HOXD1: variants seen among roughly 807,000 people sequenced by gnomAD.
The protein encoded by HOXD1 is homeobox D1.
A neutral mutation model predicts 19.9 loss-of-function variants in HOXD1; 17 were observed. The observed-to-expected ratio is 0.85, with a 90% CI of 0.58 to 1.28. The LOEUF is 1.28. Ranked by LOEUF, HOXD1 falls within the 50% of genes most tolerant of loss-of-function variation. The pLI is 0.00. For synonymous variants in HOXD1, 239 were observed against 216.0 expected (o/e 1.11, Z -0.93); for missense variants, 500 against 460.1 (o/e 1.09, Z -0.79).
Position 176,190,304 on chromosome 2 carries a change from G to T in HOXD1, c.*162G>T. 1.7e-6 allele frequency: 1 copy of T among 605,284 alleles called. No homozygotes were observed. Among genetic ancestry groups the T allele is most frequent in the Non-Finnish European group, 3.0e-6 (1 of 337,806 alleles). 37.5% of individuals were successfully genotyped at this position (605,284 alleles called of 1,614,324 possible). On this transcript the variant is annotated 3_prime_UTR_variant, in exon 2 of 2. Coordinates refer to ENST00000331462, the MANE Select transcript of HOXD1 (RefSeq NM_024501.3). ...TACTTTAGTTGGCTTCCGAGTTCCA[G>T]ACTATATGTCCAGATATTAATTGAC...
In HOXD1 at chr2:176,190,062, C is replaced by G. The variant is rs200230800; in HGVS notation, c.907C>G (p.Gln303Glu). 1 of 1,613,988 alleles carries G rather than the reference C, an allele frequency of 6.2e-7. No homozygotes were observed. Among genetic ancestry groups the G allele is most frequent in the Non-Finnish European group, 8.5e-7 (1 of 1,179,902 alleles). Residue 303 changes from glutamine to glutamate, a missense_variant, in exon 2 of 2, where the codon CAA (glutamine) becomes GAA (glutamate). Physicochemically the swap from Gln to Glu is conservative, Grantham distance 29. Coordinates refer to ENST00000331462, the MANE Select transcript of HOXD1 (RefSeq NM_024501.3). ...CACGGCCATTCCTGTGGCTCCCCTCCAACTTCCCCTCTCTGGAACAACCCC... is the reference window on the plus strand; with the variant it reads ...CACGGCCATTCCTGTGGCTCCCCTCGAACTTCCCCTCTCTGGAACAACCCC... ...LATAIPVAPL[Q>E]LPLSGTTPTK...
In HOXD1 at chr2:176,189,340, C is replaced by G; in HGVS notation, c.539C>G (p.Thr180Ser). 6.2e-7 allele frequency: 1 copy of G among 1,612,872 alleles called. No homozygotes were observed. The highest frequency in any genetic ancestry group is 8.5e-7 in the Non-Finnish European group (1 of 1,179,930). ...GACGGCCACCCTGGTGCTTTCCAGA[C>G]CGCATCCCCGGCCCCAGGCACCTAC... is the stretch of plus-strand genomic sequence containing the variant. The part of the protein sequence containing the change: ...SADGHPGAFQ[T>S]ASPAPGTYPK... The change falls in exon 1 of 2, where the codon ACC becomes AGC. Residue 180 changes from threonine (T) to serine (S), a missense_variant. By Grantham distance (58) the Thr-to-Ser change is moderately conservative. Coordinates refer to ENST00000331462, the MANE Select transcript of HOXD1 (RefSeq NM_024501.3).
At position 176,189,141 on chromosome 2, in the gene HOXD1, G is replaced by A. The variant is rs763752757; in HGVS notation, c.340G>A (p.Ala114Thr). The A allele has an allele frequency of 1.7e-5, 27 of 1,582,772 alleles. No homozygotes were observed. Among genetic ancestry groups the A allele is most frequent in the Non-Finnish European group, 2.3e-5 (27 of 1,169,106 alleles). The change falls in exon 1 of 2, where the codon GCG becomes ACG. Residue 114 changes from alanine (A) to threonine (T), a missense_variant. Transcript: ENST00000331462. ...ADYGFLGSGP[A>T]YDFPGVLGRA... ...CTACGGCTTCCTGGGGTCCGGGCCGGCGTACGACTTCCCGGGCGTGCTGGG... is the reference window on the plus strand; with the variant it reads ...CTACGGCTTCCTGGGGTCCGGGCCGACGTACGACTTCCCGGGCGTGCTGGG...
chr2:176,189,662 T>G, intron 1 of HOXD1, 146 bp from the exon 2 acceptor site: 1 of 1,584,256 alleles, frequency 6.3e-7, no homozygotes, highest in Non-Finnish European at 8.6e-7. Context: ...AGGAAGGAGC[T>G]CTCCGTGGAA....
rs1170989030 is a variant in HOXD1 at position 176,189,838 on chromosome 2, C to A, written c.683C>A (p.Pro228His). Residue 228 changes from proline to histidine, a missense_variant, in exon 2 of 2, where the codon CCC becomes CAC. Physicochemically the swap from Pro to His is moderately conservative, Grantham distance 77. Coordinates refer to ENST00000331462, the MANE Select transcript of HOXD1 (RefSeq NM_024501.3). ...GKLAEYGAAS[P>H]SSAIRTNFST... ...CTCGCCGAGTATGGGGCCGCTAGCC[C>A]CTCCAGCGCGATCCGCACGAATTTC... is the stretch of plus-strand genomic sequence containing the variant. 1 of 1,614,154 alleles carries A rather than the reference C, an allele frequency of 6.2e-7. No homozygotes were observed. The highest frequency in any genetic ancestry group is 1.7e-5 in the Admixed American group (1 of 60,028).
Position 176,190,489 on chromosome 2 carries a change from G to T in HOXD1, c.*347G>T. 3.6e-6 allele frequency: 1 copy of T among 278,692 alleles called. No homozygotes were observed. 17.3% of individuals were successfully genotyped at this position (278,692 alleles called of 1,614,324 possible). ...AGTTGCTGAGTTCTGTCAGCACTCT[G>T]ATGTGCTCAGAAGAGCACCTGCCCA... is the stretch of plus-strand genomic sequence containing the variant. On this transcript the variant is annotated 3_prime_UTR_variant, in exon 2 of 2. Transcript: ENST00000331462.
In HOXD1 at chr2:176,189,277, A is replaced by T. The variant is rs746137730; in HGVS notation, c.476A>T (p.Glu159Val). 1.1e-5 allele frequency: 17 copies of T among 1,605,430 alleles called. No homozygotes were observed. In the East Asian group the frequency reaches 3.6e-4, roughly 34 times the overall value. ...SGQVDYAAFG[E>V]PGPFPACLKA... ...CAGGTGGATTACGCGGCCTTCGGCG[A>T]ACCCGGCCCTTTTCCGGCTTGTCTC... Residue 159 changes from glutamate to valine, a missense_variant, in exon 1 of 2, where the codon GAA (glutamate) becomes GTA (valine). Glu to Val is a moderately radical substitution (Grantham distance 121). Coordinates refer to ENST00000331462, the MANE Select transcript of HOXD1 (RefSeq NM_024501.3).
At position 176,189,235 on chromosome 2, in the gene HOXD1, C is replaced by A; in HGVS notation, c.434C>A (p.Ser145Tyr). ...ATSAVFSGGG[S>Y]FLLSGQVDYA... ...TCGGCCGTCTTCTCGGGCGGCGGCT[C>A]TTTCCTCCTCAGCGGCCAGGTGGAT... The change falls in exon 1 of 2, where the codon TCT becomes TAT. Residue 145 changes from serine (S) to tyrosine (Y), a missense_variant. Transcript: ENST00000331462. The A allele has an allele frequency of 6.3e-7, 1 of 1,594,516 alleles. No individual in the cohort carries two copies. The highest frequency in any genetic ancestry group is 8.5e-7 in the Non-Finnish European group (1 of 1,171,560).
In HOXD1 at chr2:176,189,545, C is replaced by G. The variant is rs745479949; in HGVS notation, c.652+92C>G. 2.5e-6 allele frequency: 4 copies of G among 1,603,064 alleles called. No individual in the cohort carries two copies. In the South Asian group the frequency reaches 4.5e-5, roughly 18 times the overall value. ...CTGGGAGCGTGGTGTCGCTGCCTTTCCAGACAGCGGTTTGGGTTTTGTGGA... is the reference window on the plus strand; with the variant it reads ...CTGGGAGCGTGGTGTCGCTGCCTTTGCAGACAGCGGTTTGGGTTTTGTGGA... On this transcript the variant is annotated intron_variant, in intron 1 of 1. Coordinates refer to ENST00000331462, the MANE Select transcript of HOXD1 (RefSeq NM_024501.3).
intron 1 of HOXD1, 155 bp downstream of exon 1, chr2:176,189,608 T>G: frequency 6.4e-7 from 1 of 1,564,358 alleles, no homozygotes; most frequent in Non-Finnish European, 8.7e-7. Flanking sequence ...GGAGTCTGCC[T>G]CGAGTACAGA....
At position 176,188,867 on chromosome 2, in the gene HOXD1, C is replaced by T. The variant is rs1559153914; in HGVS notation, c.66C>T (p.Ser22=). 2.5e-6 allele frequency: 4 copies of T among 1,602,736 alleles called. No individual in the cohort carries two copies. The highest frequency in any genetic ancestry group is 3.4e-6 in the Non-Finnish European group (4 of 1,177,054). The change falls in exon 1 of 2, where the codon AGC becomes AGT. Residue 22 remains serine, a synonymous_variant. Coordinates refer to ENST00000331462, the MANE Select transcript of HOXD1 (RefSeq NM_024501.3). The stretch of plus-strand genomic sequence containing the variant: ...GCGGGGTCGGCGGCGACGTGCTCAG[C>T]TTGGCACCCAAGTTCTGCCGCTCCG... ...SSGGVGGDVL[S]LAPKFCRSDA...
At position 176,189,318 on chromosome 2, in the gene HOXD1, G is replaced by T. The variant is rs964753963; in HGVS notation, c.517G>T (p.Gly173Cys). ...GGCTTGTCTCAAAGCGTCAGCCGAC[G>T]GCCACCCTGGTGCTTTCCAGACCGC... ...FPACLKASAD[G>C]HPGAFQTASP... Residue 173 changes from glycine (G) to cysteine (C), a missense_variant, in exon 1 of 2, where the codon GGC (glycine) becomes TGC (cysteine). Gly to Cys is a radical substitution (Grantham distance 159). Coordinates refer to ENST00000331462, the MANE Select transcript of HOXD1 (RefSeq NM_024501.3). The T allele has an allele frequency of 8.1e-6, 13 of 1,611,870 alleles. No homozygotes were observed. Among genetic ancestry groups the T allele is most frequent in the African/African-American group, 1.3e-5 (1 of 74,982 alleles).
rs1412453358 is a variant in HOXD1, at chr2:176,188,898, C to T, written c.97C>T (p.Arg33Trp). The T allele has an allele frequency of 1.3e-6, 2 of 1,591,464 alleles. No individual in the cohort carries two copies. The highest frequency in any genetic ancestry group is 4.6e-5 in the East Asian group (2 of 43,654). Residue 33 changes from arginine to tryptophan, a missense_variant, in exon 1 of 2, where the codon CGG becomes TGG. Physicochemically the swap from Arg to Trp is moderately radical, Grantham distance 101. Transcript: ENST00000331462. ...LAPKFCRSDA[R>W]PVALQPAFPL... The stretch of plus-strand genomic sequence containing the variant: ...ACCCAAGTTCTGCCGCTCCGACGCC[C>T]GGCCCGTGGCTCTGCAGCCCGCCTT...
At position 176,188,733 on chromosome 2, in the gene HOXD1, C is replaced by T. The variant is rs1366083370; in HGVS notation, c.-69C>T. The T allele has an allele frequency of 1.3e-6, 2 of 1,507,508 alleles. No individual in the cohort carries two copies. Among genetic ancestry groups the T allele is most frequent in the Admixed American group, 3.7e-5 (2 of 53,620 alleles). The allele number at this position is 1,507,508 out of a possible 1,614,324, so 93.4% of individuals were successfully genotyped here. ...CGGAGCGGCGCAGACGGCGGCAGTCCTGCTCAGCCTCTGCCCGGCTCCGTA... is the reference window on the plus strand; with the variant it reads ...CGGAGCGGCGCAGACGGCGGCAGTCTTGCTCAGCCTCTGCCCGGCTCCGTA... On this transcript the variant is annotated 5_prime_UTR_variant, in exon 1 of 2. Coordinates refer to ENST00000331462, the MANE Select transcript of HOXD1 (RefSeq NM_024501.3).
At chr2:176,189,600 A>C in intron 1 of HOXD1, 147 bp downstream of exon 1, 1 of 1,566,628 alleles carries the variant, frequency 6.4e-7, no homozygotes, top group East Asian at 2.4e-5. Context: ...AATTCCATGG[A>C]GTCTGCCTCG....
chr2:176,190,061 C>A lies in HOXD1; in HGVS notation c.906C>A (p.Leu302=), dbSNP rs1427155213. 6.2e-7 allele frequency: 1 copy of A among 1,613,888 alleles called. No homozygotes were observed. Among genetic ancestry groups the A allele is most frequent in the African/African-American group, 1.3e-5 (1 of 74,910 alleles). Reference sequence around the variant, plus strand: ...CCACGGCCATTCCTGTGGCTCCCCTCCAACTTCCCCTCTCTGGAACAACCC... The same window carrying A: ...CCACGGCCATTCCTGTGGCTCCCCTACAACTTCCCCTCTCTGGAACAACCC... ...LLATAIPVAP[L]QLPLSGTTPT... Residue 302 remains leucine (L), a synonymous_variant, in exon 2 of 2, where the codon CTC becomes CTA. Coordinates refer to ENST00000331462, the MANE Select transcript of HOXD1 (RefSeq NM_024501.3).
Position 176,190,210 on chromosome 2 carries a change from CT to C in HOXD1, c.*70del. 1.9e-6 allele frequency: 2 copies of C among 1,055,822 alleles called. No homozygotes were observed. Among genetic ancestry groups the C allele is most frequent in the Non-Finnish European group, 2.8e-6 (2 of 715,400 alleles). The allele number at this position is 1,055,822 out of a possible 1,614,324, so 65.4% of individuals were successfully genotyped here. A position where few individuals can be genotyped will look rare whatever the true frequency, so the allele number is the denominator to read the frequency against. On this transcript the variant is annotated 3_prime_UTR_variant, in exon 2 of 2. Transcript: ENST00000331462. ...CAGGCGACCCCCATCCCTATCTAGA[CT>C]TAGGAGCTCAGTTTGGGATGGAGGT...
rs1391089130 is a variant in HOXD1 at position 176,190,520 on chromosome 2, T to G, written c.*378T>G. 1 of 196,602 alleles carries G rather than the reference T, an allele frequency of 5.1e-6. No homozygotes were observed. Among genetic ancestry groups the G allele is most frequent in the Non-Finnish European group, 1.0e-5 (1 of 97,734 alleles). 12.2% of individuals were successfully genotyped at this position (196,602 alleles called of 1,614,324 possible). A position where few individuals can be genotyped will look rare whatever the true frequency, so the allele number is the denominator to read the frequency against. On this transcript the variant is annotated 3_prime_UTR_variant, in exon 2 of 2. Coordinates refer to ENST00000331462, the MANE Select transcript of HOXD1 (RefSeq NM_024501.3). ...CTCAGAAGAGCACCTGCCCAAAGTT[T>G]TTCTGGTTTTAATTTAAAGGACAAG...
Position 176,189,272 on chromosome 2 carries a change from C to T in HOXD1, c.471C>T (p.Phe157=), listed in dbSNP as rs749387222. 5 of 1,602,524 alleles carry T rather than the reference C, an allele frequency of 3.1e-6. No individual in the cohort carries two copies. Among genetic ancestry groups the T allele is most frequent in the South Asian group, 2.2e-5 (2 of 89,278 alleles). The change falls in exon 1 of 2, where the codon TTC becomes TTT. Residue 157 remains phenylalanine, a synonymous_variant. Coordinates refer to ENST00000331462, the MANE Select transcript of HOXD1 (RefSeq NM_024501.3). Reference sequence around the variant, plus strand: ...GCGGCCAGGTGGATTACGCGGCCTTCGGCGAACCCGGCCCTTTTCCGGCTT... The same window carrying T: ...GCGGCCAGGTGGATTACGCGGCCTTTGGCGAACCCGGCCCTTTTCCGGCTT... ...LLSGQVDYAA[F]GEPGPFPACL...
Sources: allele counts gnomAD v4.1 joint callset, GRCh38; gene constraint gnomAD v4.1.1; transcripts MANE v1.5; gene names NCBI Gene and HGNC (gene_info 2026-07-23, HGNC 2026-07-21).